FREM1: variants seen among roughly 807,000 people sequenced by gnomAD.
FREM1 encodes FRAS1 related extracellular matrix 1.
Under a neutral mutation model 210.1 loss-of-function variants are expected in FREM1, and 220 were observed. That is an observed-to-expected ratio of 1.05 (90% confidence interval 0.94 to 1.17). The LOEUF (loss-of-function observed/expected upper bound fraction) is 1.17, where lower values mean the gene tolerates loss of function less well. FREM1 is among the 50% of genes most tolerant of loss of function. The probability of loss-of-function intolerance (pLI) is 0.00; values close to 1 mark genes in which losing one functional copy is unlikely to be tolerated. For synonymous variants in FREM1, 1,189 were observed against 980.2 expected (o/e 1.21, Z -3.98); for missense variants, 3,454 against 2,675.5 (o/e 1.29, Z -6.42).
At chr9:14,774,068 G>C (rs1370983829) in intron 25 of FREM1, 2 of 518,576 alleles carry the variant, frequency 3.9e-6, no homozygotes, top group South Asian at 2.8e-5. Context: ...TTCTTACTGT[G>C]TTCACGATGT....
intron 1 of FREM1, among the ~76,000 whole-genome samples, chr9:14,904,478 T>C (rs934985513): frequency 5.3e-5 from 8 of 152,064 alleles, no homozygotes; most frequent in African/African-American, 1.9e-4. Context: ...TGTGTAACTC[T>C]ACATTTCCCA....
At chr9:14,744,073 A>AT (rs1383488153) in intron 35 of FREM1, among the ~76,000 whole-genome samples, 1 of 152,074 alleles carries the variant, frequency 6.6e-6, no homozygotes, top group African/African-American at 2.4e-5. Flanking sequence ...AAATTTTAAT[A>AT]TTTTATCTTA....
intron 24 of FREM1, among the ~76,000 whole-genome samples, chr9:14,777,514 G>A (rs1051558717): frequency 8.6e-5 from 13 of 151,980 alleles, no homozygotes; most frequent in African/African-American, 2.7e-4. Flanking sequence ...GGAAATATTC[G>A]TAGAGGATGC....
At chr9:14,754,644 G>A (rs1381768107) in intron 29 of FREM1, among the ~76,000 whole-genome samples, 3 of 152,078 alleles carry the variant, frequency 2.0e-5, no homozygotes, top group Non-Finnish European at 2.9e-5. Context: ...GTATAAAAAG[G>A]GGGACTTGGC....
chr9:14,817,095 C>T (rs1653238905), intron 14 of FREM1, among the ~76,000 whole-genome samples: 1 of 152,196 alleles, frequency 6.6e-6, no homozygotes, highest in Non-Finnish European at 1.5e-5. Context: ...GTGTTATATG[C>T]ATTTCTAATT....
At chr9:14,770,234 C>G (rs1847285265) in intron 26 of FREM1, among the ~76,000 whole-genome samples, 2 of 151,780 alleles carry the variant, frequency 1.3e-5, no homozygotes, top group South Asian at 4.2e-4. Flanking sequence ...GGAAAAAAAC[C>G]AAGAACTTTT....
intron 29 of FREM1, among the ~76,000 whole-genome samples, chr9:14,752,999 TTCTA>T (rs1240153435): frequency 6.6e-6 from 1 of 152,224 alleles, no homozygotes; most frequent in African/African-American, 2.4e-5. Flanking sequence ...CCAACTTGGT[TTCTA>T]TGCCTTCCAG....
intron 30 of FREM1, among the ~76,000 whole-genome samples, chr9:14,748,981 C>T (rs748951339): frequency 3.0e-4 from 46 of 152,146 alleles, no homozygotes; most frequent in Admixed American, 1.3e-4. Flanking sequence ...AAAGTTTATT[C>T]ACTGATCAAG....
intron 19 of FREM1, among the ~76,000 whole-genome samples, chr9:14,803,845 G>T (rs867268860): frequency 6.6e-6 from 1 of 152,182 alleles, no homozygotes; most frequent in Non-Finnish European, 1.5e-5. Context: ...TGGCATCATA[G>T]TTCAACTTAC....
Position 14,769,820 on chromosome 9 carries a change from G to C in FREM1, c.5108C>G (p.Thr1703Ser), listed in dbSNP as rs1847198012. Reference protein sequence around the residue: ...KFSQKDLNSKTILYIINPSLE... With the variant: ...KFSQKDLNSKSILYIINPSLE... ...AGATGGGTTTATGATGTAAAGAATA[G>C]TCTTACTGTTTAAGTCCTTTTGGCT... The change falls in exon 27 of 37, where the codon ACT (threonine) becomes AGT (serine). Residue 1703 changes from threonine (T) to serine (S), a missense_variant. Physicochemically the swap from Thr to Ser is moderately conservative, Grantham distance 58 (BLOSUM62 1). Transcript: ENST00000380880. The C allele has an allele frequency of 2.5e-6, 4 of 1,603,900 alleles. No homozygotes were observed. The East Asian group carries it at 9.0e-5, about 36-fold the overall frequency.
chr9:14,856,827 C>G (rs1044058100), intron 5 of FREM1, among the ~76,000 whole-genome samples: 1 of 140,588 alleles, frequency 7.1e-6, no homozygotes, highest in Non-Finnish European at 1.5e-5. Context: ...CAGAGCGAGA[C>G]TCCGTCTCAA....
At chr9:14,747,157 G>T in intron 33 of FREM1, 106 bp from the exon 34 acceptor site, 1 of 1,582,032 alleles carries the variant, frequency 6.3e-7, no homozygotes, top group Non-Finnish European at 8.7e-7. Context: ...TTTGTGTTGG[G>T]TAAACTATCC....
intron 25 of FREM1, among the ~76,000 whole-genome samples, chr9:14,775,462 T>G (rs1197200640): frequency 2.6e-5 from 4 of 152,038 alleles, no homozygotes; most frequent in African/African-American, 9.7e-5. Flanking sequence ...TCCCAGCACT[T>G]TGGGAGGCCG....
At chr9:14,873,633 A>C (rs964181473) in intron 1 of FREM1, among the ~76,000 whole-genome samples, 1 of 151,972 alleles carries the variant, frequency 6.6e-6, no homozygotes, top group African/African-American at 2.4e-5. Context: ...TGGATTCATT[A>C]ATTTTTTGAA....
At chr9:14,746,588 G>C (rs1412237095) in intron 34 of FREM1, 120 bp from the exon 35 acceptor site, 2 of 753,492 alleles carry the variant, frequency 2.7e-6, no homozygotes, top group East Asian at 5.1e-5. Flanking sequence ...CACAAAGGGA[G>C]TCAGCCCTAA....
In FREM1 at chr9:14,859,283, A is replaced by T. The variant is rs1829362334; in HGVS notation, c.531T>A (p.Thr177=). ...CATGGGCTGGCAGCCGAGTTCTCGCAGTGTCCAGGCTGACGGTACATTCCA... is the reference window on the plus strand; with the variant it reads ...CATGGGCTGGCAGCCGAGTTCTCGCTGTGTCCAGGCTGACGGTACATTCCA... ...ASLECTVSLD[T]ARTRLPAHGQ... Residue 177 remains threonine, a synonymous_variant, in exon 4 of 37, where the codon ACT becomes ACA. Coordinates refer to ENST00000380880, the MANE Select transcript of FREM1 (RefSeq NM_001379081.2). 2 of 1,613,632 alleles carry T rather than the reference A, an allele frequency of 1.2e-6. No homozygotes were observed.
At chr9:14,782,409 G>A (rs1849776692) in intron 24 of FREM1, 1 of 931,564 alleles carries the variant, frequency 1.1e-6, no homozygotes, top group Non-Finnish European at 1.3e-6. Flanking sequence ...TCAGTCCTGT[G>A]TTCTCCAGCA....
chr9:14,821,201 T>G (rs1821245083), intron 13 of FREM1, among the ~76,000 whole-genome samples: 1 of 152,156 alleles, frequency 6.6e-6, no homozygotes, highest in African/African-American at 2.4e-5. Flanking sequence ...GTGGTGGGTC[T>G]CACTGAAGCT....
chr9:14,841,393 G>A, intron 10 of FREM1, 54 bp downstream of exon 10: 6 of 1,420,750 alleles, frequency 4.2e-6, no homozygotes, highest in Non-Finnish European at 5.7e-6. Context: ...ACATCTCCTA[G>A]AATTGACACC....
Sources: gnomAD v4.1 joint callset for allele counts (sites outside exome capture counted in the v4.1 genomes callset) on GRCh38, gnomAD v4.1.1 for gene constraint, MANE v1.5 for transcripts, NCBI Gene and HGNC (gene_info 2026-07-23, HGNC 2026-07-21) for gene names.